Variants in CCR6 observed in about 807,000 individuals in gnomAD.
The protein encoded by CCR6 is C-C motif chemokine receptor 6, also known as C-C chemokine receptor type 6.
Under a neutral mutation model 3.0 loss-of-function variants are expected in CCR6, and 2 were observed. That is an observed-to-expected ratio of 0.66 (90% CI 0.27 to 2.07). The LOEUF (loss-of-function observed/expected upper bound fraction) is 2.07, where lower values mean the gene tolerates loss of function less well. Ranked by LOEUF, CCR6 falls within the 30% of genes most tolerant of loss-of-function variation. The probability of loss-of-function intolerance (pLI) is 0.14; values close to 1 mark genes in which losing one functional copy is unlikely to be tolerated. For synonymous variants in CCR6, 193 were observed against 184.3 expected, an observed-to-expected ratio of 1.05 and a Z score of -0.38; for missense variants, 322 against 462.8, an observed-to-expected ratio of 0.70 and a Z score of 2.79.
rs767687426 is a variant in CCR6 at position 167,137,143 on chromosome 6, G to C, written c.913G>C (p.Ala305Pro). Residue 305 changes from alanine to proline, a missense_variant, in exon 3 of 3, where the codon GCT becomes CCT. Ala to Pro is a conservative substitution (Grantham distance 27, BLOSUM62 -1). Transcript: ENST00000341935. This position sits in a 1 kb window ranked among gnomAD's most constrained non-coding sequence, Gnocchi z 4.6. Reference sequence around the variant, plus strand: ...TACGAAAACTGTCACAGAAGTCCTGGCTTTCCTGCACTGCTGCCTGAACCC... The same window carrying C: ...TACGAAAACTGTCACAGAAGTCCTGCCTTTCCTGCACTGCTGCCTGAACCC... ...GYTKTVTEVLAFLHCCLNPVL... is the reference protein window; with the variant it reads ...GYTKTVTEVLPFLHCCLNPVL... The C allele has an allele frequency of 6.2e-7, 1 of 1,614,134 alleles. No homozygotes were observed. The highest frequency in any genetic ancestry group is 8.5e-7 in the Non-Finnish European group (1 of 1,180,010).
rs1256195329 is a variant in CCR6 at position 167,133,930 on chromosome 6, GTGTA to G, written c.-97-2106_-97-2103del. Among the ~76,000 whole-genome samples the G allele has an allele frequency of 7.6e-3, 222 of 29,044 alleles. 5 individuals are homozygous for G. The highest frequency in any genetic ancestry group is 0.025 in the African/African-American group (208 of 8,410). 19.1% of individuals were successfully genotyped at this position (29,044 alleles called of 152,430 possible). A position where few individuals can be genotyped will look rare whatever the true frequency, so the allele number is the denominator to read the frequency against. On this transcript the variant is annotated intron_variant, in intron 1 of 2. Coordinates refer to ENST00000341935, the MANE Select transcript of CCR6 (RefSeq NM_031409.4). ...TGATACTATTATATATGATATATGT[GTGTA>G]TATATATATATATATATATATATAT...
chr6:167,113,952 G>A (rs1781452261), intron 1 of CCR6, among the ~76,000 whole-genome samples: 1 of 152,208 alleles, frequency 6.6e-6, no homozygotes, highest in African/African-American at 2.4e-5. Context: ...AAGGAAAAAG[G>A]GCAGGGCAAG....
chr6:167,134,963 T>C lies in CCR6; in HGVS notation c.-97-1075T>C, dbSNP rs1306730949. On this transcript the variant is annotated intron_variant, in intron 1 of 2. Coordinates refer to ENST00000341935, the MANE Select transcript of CCR6 (RefSeq NM_031409.4). The stretch of plus-strand genomic sequence containing the variant: ...CTTCAGATGGTGGATTTCAAAGCCC[T>C]TCGTCCTCAGGCGCTCCACAACCGC... 2.0e-5 allele frequency: 3 copies of C among 152,240 alleles called. No individual in the cohort carries two copies. The East Asian group carries it at 5.8e-4, about 29-fold the overall frequency. The allele number at this position is 152,240 out of a possible 1,614,324, so 9.4% of individuals were successfully genotyped here.
At chr6:167,116,118 G>A (rs1226258744) in intron 1 of CCR6, 4 of 152,290 alleles carry the variant, frequency 2.6e-5, no homozygotes, top group Non-Finnish European at 5.9e-5. Flanking sequence ...GCGTGGATGG[G>A]CGTTATTGTT....
intron 1 of CCR6, among the ~76,000 whole-genome samples, chr6:167,132,261 GGAC>G (rs1781780376): frequency 6.6e-6 from 1 of 152,112 alleles, no homozygotes; most frequent in Admixed American, 6.5e-5. Context: ...TTTCAGTTTG[GGAC>G]GGTTAAGAAT....
chr6:167,135,525 G>T (rs529520340), intron 1 of CCR6, among the ~76,000 whole-genome samples: 1 of 152,214 alleles, frequency 6.6e-6, no homozygotes, highest in Non-Finnish European at 1.5e-5. Flanking sequence ...GCCCACAGGG[G>T]TGATCATCAC....
At chr6:167,124,106 A>G (rs1855025) in intron 1 of CCR6, among the ~76,000 whole-genome samples, 61,071 of 152,056 alleles carry the variant, frequency 0.4, 13,543 homozygotes, top group Admixed American at 0.52. Flanking sequence ...TCCAAAGTCC[A>G]CTTAGCAGCA....
intron 1 of CCR6, among the ~76,000 whole-genome samples, chr6:167,114,736 G>A (rs888692664): frequency 1.3e-5 from 2 of 152,214 alleles, no homozygotes; most frequent in African/African-American, 4.8e-5. Flanking sequence ...CAGTGAGGCT[G>A]TTCCCGGCAG....
upstream of CCR6, among the ~76,000 whole-genome samples, chr6:167,118,514 A>G (rs1425427965): frequency 6.6e-6 from 1 of 152,210 alleles, no homozygotes; most frequent in African/African-American, 2.4e-5. Flanking sequence ...GAAATAAATT[A>G]GTAAATAAAA....
In CCR6 at chr6:167,136,365, C is replaced by T. The variant is rs759425376; in HGVS notation, c.135C>T (p.Ser45=). 1.9e-6 allele frequency: 3 copies of T among 1,614,178 alleles called. No homozygotes were observed. The highest frequency in any genetic ancestry group is 2.5e-6 in the Non-Finnish European group (3 of 1,180,032). The change falls in exon 3 of 3, where the codon TCC becomes TCT. Residue 45 remains serine (S), a synonymous_variant. Transcript: ENST00000341935. This position sits in a 1 kb window ranked among gnomAD's most constrained non-coding sequence, Gnocchi z 4.6. The part of the protein sequence containing the change: ...LCSLQEVRQF[S]RLFVPIAYSL... ...CCTTGCAGGAGGTCAGGCAGTTCTC[C>T]AGGCTATTTGTACCGATTGCCTACT...
Position 167,138,160 on chromosome 6 carries a change from T to C in CCR6, c.*805T>C, listed in dbSNP as rs1451523096. 1.3e-5 allele frequency: 2 copies of C among 152,344 alleles called. No individual in the cohort carries two copies. The highest frequency in any genetic ancestry group is 2.9e-5 in the Non-Finnish European group (2 of 68,036). The allele number at this position is 152,344 out of a possible 1,614,324, so 9.4% of individuals were successfully genotyped here. On this transcript the variant is annotated 3_prime_UTR_variant, in exon 3 of 3. Transcript: ENST00000341935. The stretch of plus-strand genomic sequence containing the variant: ...ATGAAGACAGGATCTAGAATAATCT[T>C]GCTCACAGCTGTGCTCTGAGTGCCT...
At chr6:167,118,637 C>A (rs1365620138), upstream of CCR6, among the ~76,000 whole-genome samples, 1 of 152,188 alleles carries the variant, frequency 6.6e-6, no homozygotes, top group Non-Finnish European at 1.5e-5. Flanking sequence ...CTCCCCACAT[C>A]ATTTTCTCTT....
In CCR6 at chr6:167,135,248, C is replaced by A. The variant is rs142319991; in HGVS notation, c.-97-790C>A. On this transcript the variant is annotated intron_variant, in intron 1 of 2. Transcript: ENST00000341935. ...CATAGCCTCACCATTCTCCAAGAAC[C>A]CTGATCAGAGCCTCCTCCTCCAGGA... Among the ~76,000 whole-genome samples the A allele has an allele frequency of 4.0e-3, 611 of 152,348 alleles. 6 individuals are homozygous for A. The highest frequency in any genetic ancestry group is 0.014 in the African/African-American group (589 of 41,576).
At chr6:167,120,064 C>T (rs1781562891), upstream of CCR6, among the ~76,000 whole-genome samples, 1 of 152,108 alleles carries the variant, frequency 6.6e-6, no homozygotes, top group African/African-American at 2.4e-5. Flanking sequence ...GAAAACTGCC[C>T]CAGTTATCTA....
chr6:167,137,381 T>C lies in CCR6; in HGVS notation c.*26T>C, dbSNP rs375979417. On this transcript the variant is annotated 3_prime_UTR_variant, in exon 3 of 3. Transcript: ENST00000341935. This position sits in a 1 kb window ranked among gnomAD's most constrained non-coding sequence, Gnocchi z 4.6. ...TAGAAAGCTGAGTCTCCCTAAGGCA[T>C]GTGTGAAACATACTCATAGATGTTA... 38 of 1,578,080 alleles carry C rather than the reference T, an allele frequency of 2.4e-5. No individual in the cohort carries two copies. Among genetic ancestry groups the C allele is most frequent in the Non-Finnish European group, 3.0e-5 (35 of 1,165,602 alleles).
At chr6:167,121,953 G>A (rs1043833901), upstream of CCR6, among the ~76,000 whole-genome samples, 3 of 152,226 alleles carry the variant, frequency 2.0e-5, no homozygotes, top group African/African-American at 7.2e-5. Flanking sequence ...GACAAACCCG[G>A]GAAAATGGCC....
At chr6:167,125,403 C>T (rs1467652360) in intron 1 of CCR6, among the ~76,000 whole-genome samples, 1 of 152,260 alleles carries the variant, frequency 6.6e-6, no homozygotes, top group African/African-American at 2.4e-5. Context: ...CCCCCAACCC[C>T]TGCTCTTCTT....
At chr6:167,130,277 A>G (rs1781733095) in intron 1 of CCR6, among the ~76,000 whole-genome samples, 1 of 151,854 alleles carries the variant, frequency 6.6e-6, no homozygotes. Context: ...CACAGGGCTC[A>G]GCACATTTCC....
chr6:167,137,276 C>T lies in CCR6; in HGVS notation c.1046C>T (p.Ala349Val). ...TACAAGTCCTCAGGCTTCTCCTGTG[C>T]CGGGAGGTACTCAGAAAACATTTCT... ...RKYKSSGFSC[A>V]GRYSENISRQ... The change falls in exon 3 of 3, where the codon GCC (alanine) becomes GTC (valine). Residue 349 changes from alanine to valine, a missense_variant. Transcript: ENST00000341935. The surrounding 1 kb of genome is among the most constrained non-coding windows in gnomAD (Gnocchi z 4.6). The T allele has an allele frequency of 6.2e-7, 1 of 1,614,028 alleles. No homozygotes were observed. The highest frequency in any genetic ancestry group is 1.1e-5 in the South Asian group (1 of 91,056).
Sources: gnomAD v4.1 joint callset for allele counts (sites outside exome capture counted in the v4.1 genomes callset) on GRCh38, gnomAD v4.1.1 for gene constraint, Gnocchi (gnomAD v3.1) non-coding constraint, MANE v1.5 for transcripts, NCBI Gene and HGNC (gene_info 2026-07-23, HGNC 2026-07-21) for gene names.